RAB38: variants seen among roughly 807,000 people sequenced by gnomAD.
The protein encoded by RAB38 is ras-related protein Rab-38.
RAB38 carries 15 observed loss-of-function variants against 18.4 expected under a neutral mutation model. The ratio of observed to expected loss-of-function variants is 0.82; its 90% CI spans 0.55 to 1.26. RAB38 has a LOEUF of 1.26. RAB38 is among the 50% of genes most tolerant of loss of function. The pLI is 0.00. For synonymous variants in RAB38, 101 were observed against 104.4 expected (o/e 0.97, Z 0.20); for missense variants, 294 against 267.4 (o/e 1.10, Z -0.69).
At chr11:87,939,783 T>G in the RAB38 span, among the ~76,000 whole-genome samples, 1 of 152,046 alleles carries the variant, frequency 6.6e-6, no homozygotes, top group Non-Finnish European at 1.5e-5. Flanking sequence ...TCCCAGCTAC[T>G]CAGGAGGCTG....
the RAB38 span, among the ~76,000 whole-genome samples, chr11:88,041,754 A>G: frequency 6.6e-6 from 1 of 152,256 alleles, no homozygotes; most frequent in South Asian, 2.1e-4. Context: ...AGATAAGGGG[A>G]AAATATAAAT....
chr11:88,102,864 C>T, the RAB38 span, among the ~76,000 whole-genome samples: 1 of 151,874 alleles, frequency 6.6e-6, no homozygotes, highest in Non-Finnish European at 1.5e-5. Context: ...CTTTCTTAAC[C>T]CACTCTCTTC....
chr11:88,102,441 C>G, the RAB38 span, among the ~76,000 whole-genome samples: 2 of 152,008 alleles, frequency 1.3e-5, no homozygotes, highest in African/African-American at 4.8e-5. Flanking sequence ...ATGGGCAATA[C>G]TTTCTTTTCA....
the RAB38 span, among the ~76,000 whole-genome samples, chr11:87,967,878 G>A: frequency 6.6e-6 from 1 of 152,184 alleles, no homozygotes; most frequent in Non-Finnish European, 1.5e-5. Context: ...CCTGCGGTGG[G>A]TAGGAGGGTT....
the RAB38 span, among the ~76,000 whole-genome samples, chr11:87,823,911 C>A: frequency 6.6e-6 from 1 of 152,126 alleles, no homozygotes. Flanking sequence ...AAAGCTAGTA[C>A]ACAATGTCTG....
the RAB38 span, among the ~76,000 whole-genome samples, chr11:87,908,344 T>C: frequency 6.6e-6 from 1 of 152,014 alleles, no homozygotes; most frequent in Non-Finnish European, 1.5e-5. Flanking sequence ...GTACTTAAGA[T>C]AATGTTATCA....
At chr11:88,035,247 T>C in the RAB38 span, among the ~76,000 whole-genome samples, 1 of 152,234 alleles carries the variant, frequency 6.6e-6, no homozygotes, top group Non-Finnish European at 1.5e-5. Context: ...TAAATTTTAA[T>C]GAAGTAAATT....
At chr11:88,012,855 T>C in the RAB38 span, among the ~76,000 whole-genome samples, 6 of 152,192 alleles carry the variant, frequency 3.9e-5, no homozygotes, top group Admixed American at 2.0e-4. Context: ...GTGGAAAAAA[T>C]TGATTTTTAA....
At chr11:88,085,284 A>G in the RAB38 span, among the ~76,000 whole-genome samples, 16 of 152,078 alleles carry the variant, frequency 1.1e-4, no homozygotes, top group African/African-American at 3.6e-4. Flanking sequence ...ACTGACAGCC[A>G]TAAGGCAAGG....
chr11:87,976,651 TAA>T, the RAB38 span, among the ~76,000 whole-genome samples: 1 of 108,024 alleles, frequency 9.3e-6, no homozygotes, highest in African/African-American at 3.6e-5. Flanking sequence ...ATATGATATA[TAA>T]ATATATATAA....
chr11:88,121,258 G>A (rs1942624792), intron 2 of RAB38, among the ~76,000 whole-genome samples: 1 of 152,150 alleles, frequency 6.6e-6, no homozygotes, highest in African/African-American at 2.4e-5. Flanking sequence ...CTAGATCCAA[G>A]CACAGTGCCT....
Position 88,138,121 on chromosome 11 carries a change from A to G in RAB38, c.483+11554T>C, listed in dbSNP as rs543845284. On this transcript the variant is annotated intron_variant, in intron 2 of 2. Transcript: ENST00000243662. ...CCCACACACAAGAATGTCAAAGCAC[A>G]GTCCCAGGATTACAGCCGTGTGCTG... Among the ~76,000 whole-genome samples, 5 of 152,324 alleles carry G rather than the reference A, an allele frequency of 3.3e-5. No individual in the cohort carries two copies. In the East Asian group the frequency reaches 9.6e-4, roughly 29 times the overall value.
the RAB38 span, among the ~76,000 whole-genome samples, chr11:88,093,491 A>G: frequency 6.6e-6 from 1 of 151,932 alleles, no homozygotes; most frequent in East Asian, 1.9e-4. Context: ...TAGTTTGAAA[A>G]AAAAAATTAA....
At chr11:88,066,014 A>C in the RAB38 span, among the ~76,000 whole-genome samples, 1 of 152,162 alleles carries the variant, frequency 6.6e-6, no homozygotes, top group African/African-American at 2.4e-5. Context: ...AGTGAACCCA[A>C]CTCTGCAAAG....
intron 2 of RAB38, among the ~76,000 whole-genome samples, chr11:88,131,105 C>T (rs1048458715): frequency 1.3e-5 from 2 of 151,620 alleles, no homozygotes; most frequent in African/African-American, 4.9e-5. Flanking sequence ...ATAGTAAAAA[C>T]TAAAAATGTA....
chr11:88,145,048 G>A (rs1942964940), intron 2 of RAB38, among the ~76,000 whole-genome samples: 1 of 152,112 alleles, frequency 6.6e-6, no homozygotes, highest in African/African-American at 2.4e-5. Flanking sequence ...ATGGGCTGTG[G>A]GTAGAGACAG....
chr11:87,811,672 T>C, the RAB38 span, among the ~76,000 whole-genome samples: 3 of 152,172 alleles, frequency 2.0e-5, no homozygotes, highest in African/African-American at 7.2e-5. Flanking sequence ...TGTTCCCTCA[T>C]TGTGGTTGTC....
the RAB38 span, among the ~76,000 whole-genome samples, chr11:87,961,767 C>G: frequency 6.6e-6 from 1 of 152,164 alleles, no homozygotes; most frequent in South Asian, 2.1e-4. Flanking sequence ...AGACCAAATA[C>G]TACACTCTTG....
the RAB38 span, among the ~76,000 whole-genome samples, chr11:87,938,622 T>TTTA: frequency 7.1e-6 from 1 of 141,414 alleles, no homozygotes; most frequent in Admixed American, 7.2e-5. Flanking sequence ...CTTTTCCGTT[T>TTTA]TTTTTTTTTT....
Sources: gnomAD v4.1 joint callset for allele counts (sites outside exome capture counted in the v4.1 genomes callset) on GRCh38, gnomAD v4.1.1 for gene constraint, MANE v1.5 for transcripts, NCBI Gene and HGNC (gene_info 2026-07-23, HGNC 2026-07-21) for gene names.